HECW2: variants seen among roughly 807,000 people sequenced by gnomAD.
HECW2 encodes HECT, C2 and WW domain containing E3 ubiquitin protein ligase 2.
Under a neutral mutation model 175.2 loss-of-function variants are expected in HECW2, and 61 were observed. The observed-to-expected ratio is 0.35, with a 90% CI of 0.28 to 0.43. HECW2 has a LOEUF of 0.43. Ranked by LOEUF, HECW2 falls within the 20% of genes least tolerant of loss-of-function variation. HECW2 has a pLI of 1.00. For synonymous variants in HECW2, 671 were observed against 731.0 expected, an observed-to-expected ratio of 0.92 and a Z score of 1.32; for missense variants, 1,524 against 2,000.5, an observed-to-expected ratio of 0.76 and a Z score of 4.54.
intron 14 of HECW2, 190 bp downstream of exon 14, chr2:196,292,375 C>A (rs973852810): frequency 5.6e-6 from 3 of 539,974 alleles, no homozygotes; most frequent in East Asian, 3.0e-5. Context: ...GCTCCCTCCA[C>A]GACTTCAGAA....
At chr2:196,258,930 C>A (rs1025247430) in intron 17 of HECW2, among the ~76,000 whole-genome samples, 26 of 152,208 alleles carry the variant, frequency 1.7e-4, no homozygotes, top group African/African-American at 5.8e-4. Flanking sequence ...TATCTACAAG[C>A]AACTTGTTTT....
At chr2:196,593,148 A>C (rs986476213) in intron 1 of HECW2, among the ~76,000 whole-genome samples, 1 of 150,812 alleles carries the variant, frequency 6.6e-6, no homozygotes, top group African/African-American at 2.4e-5. Context: ...CGACACCCAG[A>C]GCTCTCGAGG....
At chr2:196,227,368 T>C (rs1205260135) in intron 22 of HECW2, among the ~76,000 whole-genome samples, 2 of 152,184 alleles carry the variant, frequency 1.3e-5, no homozygotes, top group African/African-American at 2.4e-5. Context: ...TTAAAAAAGA[T>C]GTAAGGACAT....
intron 14 of HECW2, among the ~76,000 whole-genome samples, chr2:196,281,922 T>C (rs765929451): frequency 1.3e-5 from 2 of 152,194 alleles, no homozygotes; most frequent in African/African-American, 4.8e-5. Flanking sequence ...AACCTCAGTT[T>C]CTTTTCCTGT....
At chr2:196,406,911 A>T (rs1694980417) in intron 2 of HECW2, among the ~76,000 whole-genome samples, 1 of 152,114 alleles carries the variant, frequency 6.6e-6, no homozygotes, top group South Asian at 2.1e-4. Flanking sequence ...TGTTTTTATT[A>T]TCTGCATTGT....
chr2:196,206,630 A>C (rs1326107141), intron 28 of HECW2, among the ~76,000 whole-genome samples: 1 of 152,232 alleles, frequency 6.6e-6, no homozygotes, highest in Non-Finnish European at 1.5e-5. Flanking sequence ...GTCCTCTGAG[A>C]GATGAGGATG....
At chr2:196,288,047 C>A (rs925238662) in intron 14 of HECW2, 1 of 150,640 alleles carries the variant, frequency 6.6e-6, no homozygotes, top group African/African-American at 2.5e-5. Context: ...ATGTGCACAA[C>A]GTGCAGGTTT....
intron 2 of HECW2, among the ~76,000 whole-genome samples, chr2:196,422,992 T>C (rs887077034): frequency 1.1e-4 from 17 of 152,136 alleles, no homozygotes; most frequent in Non-Finnish European, 2.1e-4. Context: ...TTATTTAGCA[T>C]TCACATTTTA....
At chr2:196,215,284 T>A (rs944172660) in intron 28 of HECW2, among the ~76,000 whole-genome samples, 2 of 152,366 alleles carry the variant, frequency 1.3e-5, no homozygotes, top group East Asian at 1.9e-4. Flanking sequence ...CATATGTGCA[T>A]GAACACCCAA....
chr2:196,525,150 T>C (rs1165446115), intron 1 of HECW2, among the ~76,000 whole-genome samples: 1 of 146,820 alleles, frequency 6.8e-6, no homozygotes. Flanking sequence ...GCTTTATGAA[T>C]CTGGGTGCTC....
chr2:196,450,804 TC>T (rs1696325171), intron 1 of HECW2, among the ~76,000 whole-genome samples: 1 of 152,058 alleles, frequency 6.6e-6, no homozygotes, highest in Non-Finnish European at 1.5e-5. Context: ...TTTAACATGT[TC>T]CCCATTTGAT....
intron 19 of HECW2, among the ~76,000 whole-genome samples, chr2:196,243,401 A>C (rs1688536040): frequency 6.6e-6 from 1 of 151,896 alleles, no homozygotes; most frequent in Admixed American, 6.6e-5. Context: ...TCCCGACCTC[A>C]GGTAATCCAC....
intron 2 of HECW2, among the ~76,000 whole-genome samples, chr2:196,413,026 G>A (rs1279812517): frequency 1.3e-5 from 2 of 152,164 alleles, no homozygotes; most frequent in African/African-American, 4.8e-5. Flanking sequence ...ATCAGGTGGA[G>A]AGCTGCCCTA....
At chr2:196,303,563 T>C (rs1691148220) in intron 13 of HECW2, among the ~76,000 whole-genome samples, 2 of 152,212 alleles carry the variant, frequency 1.3e-5, no homozygotes, top group African/African-American at 4.8e-5. Context: ...GGTAGACCAT[T>C]TATTGCTGCC....
intron 2 of HECW2, among the ~76,000 whole-genome samples, chr2:196,412,287 G>C (rs373376796): frequency 1.3e-5 from 2 of 152,170 alleles, no homozygotes; most frequent in East Asian, 3.8e-4. Flanking sequence ...TTGGTGTGCA[G>C]GTGACCGTCT....
chr2:196,454,714 T>G (rs1488994989), intron 1 of HECW2, among the ~76,000 whole-genome samples: 4 of 152,158 alleles, frequency 2.6e-5, no homozygotes, highest in Non-Finnish European at 5.9e-5. Flanking sequence ...GGCAGCTTAG[T>G]GGATAAAAGT....
intron 11 of HECW2, among the ~76,000 whole-genome samples, chr2:196,307,519 C>T (rs1194809367): frequency 1.3e-5 from 2 of 151,948 alleles, no homozygotes; most frequent in East Asian, 1.9e-4. Flanking sequence ...GGAAAAAAAA[C>T]TTTATGTTCC....
intron 1 of HECW2, among the ~76,000 whole-genome samples, chr2:196,448,231 C>T (rs1696243309): frequency 6.6e-6 from 1 of 152,164 alleles, no homozygotes; most frequent in Non-Finnish European, 1.5e-5. Context: ...TGCAATTTGG[C>T]TTCCCAATCA....
chr2:196,381,554 CTTATA>C (rs1438729490), intron 2 of HECW2, among the ~76,000 whole-genome samples: 1 of 152,024 alleles, frequency 6.6e-6, no homozygotes, highest in African/African-American at 2.4e-5. Context: ...GAAAATGTTC[CTTATA>C]TTATAATAAA....
Sources: allele counts gnomAD v4.1 joint callset (sites outside exome capture counted in the v4.1 genomes callset), GRCh38; gene constraint gnomAD v4.1.1; transcripts MANE v1.5; gene names NCBI Gene and HGNC (gene_info 2026-07-23, HGNC 2026-07-21).